The following MCHR2 variants were observed in gnomAD, a reference collection of about 807,000 sequenced individuals.
The protein encoded by MCHR2 is melanin concentrating hormone receptor 2.
Under a neutral mutation model 24.8 loss-of-function variants are expected in MCHR2, and 15 were observed. The ratio of observed to expected loss-of-function variants is 0.60; its 90% CI spans 0.40 to 0.93. The LOEUF is 0.93. Among genes scored for constraint, MCHR2 ranks in the 40% least tolerant of loss-of-function variants. MCHR2 has a pLI of 0.00. For missense variants in MCHR2, 386 were observed against 408.7 expected (o/e 0.94, Z 0.48); for synonymous variants, 151 against 147.6 (o/e 1.02, Z -0.17).
At chr6:99,923,338 A>C (rs1170566763) in intron 5 of MCHR2, among the ~76,000 whole-genome samples, 1 of 152,174 alleles carries the variant, frequency 6.6e-6, no homozygotes, top group Admixed American at 6.5e-5. Context: ...ATCTGTAAAC[A>C]AGGATAATTT....
intron 5 of MCHR2, among the ~76,000 whole-genome samples, chr6:99,931,785 C>G (rs1014625512): frequency 1.3e-5 from 2 of 152,220 alleles, no homozygotes; most frequent in Non-Finnish European, 2.9e-5. Flanking sequence ...ACCCCTTGCG[C>G]TTCCCAAGTG....
chr6:99,988,630 A>C (rs1180158420), intron 1 of MCHR2, among the ~76,000 whole-genome samples: 1 of 152,206 alleles, frequency 6.6e-6, no homozygotes, highest in Non-Finnish European at 1.5e-5. Context: ...TGAAACTCAG[A>C]GCCACCCAAA....
At chr6:99,927,708 G>A (rs548084870) in intron 5 of MCHR2, among the ~76,000 whole-genome samples, 52 of 152,184 alleles carry the variant, frequency 3.4e-4, no homozygotes, top group African/African-American at 1.1e-3. Flanking sequence ...TTTTGCTGAA[G>A]TTGCTTATCA....
rs1238747025 is a variant in MCHR2, at chr6:99,974,251, G to A, written c.-27-18077C>T. Among the ~76,000 whole-genome samples, 5 of 145,124 alleles carry A rather than the reference G, an allele frequency of 3.4e-5. No homozygotes were observed. The East Asian group carries it at 1.0e-3, about 30-fold the overall frequency. On this transcript the variant is annotated intron_variant, in intron 1 of 5. Coordinates refer to ENST00000281806, the MANE Select transcript of MCHR2 (RefSeq NM_001040179.2). Reference sequence around the variant, plus strand: ...TAGTCCCATATTTCTTGGAAGCTTTGTTTGTTTCTTTTTATTCTTTTTTCT... The same window carrying A: ...TAGTCCCATATTTCTTGGAAGCTTTATTTGTTTCTTTTTATTCTTTTTTCT...
chr6:99,947,771 C>T lies in MCHR2; in HGVS notation c.383G>A (p.Ser128Asn). 2 of 1,613,582 alleles carry T rather than the reference C, an allele frequency of 1.2e-6. No individual in the cohort carries two copies. Among genetic ancestry groups the T allele is most frequent in the Non-Finnish European group, 8.5e-7 (1 of 1,179,680 alleles). The change falls in exon 3 of 6, where the codon AGT becomes AAT. Residue 128 changes from serine (S) to asparagine (N), a missense_variant. By Grantham distance (46) the Ser-to-Asn change is conservative (BLOSUM62 1). Coordinates refer to ENST00000281806, the MANE Select transcript of MCHR2 (RefSeq NM_001040179.2). ...AAAGTCTTTCACTTACCTGTCCACACTCATTACAGTCATGATGGCACTACA... is the reference window on the plus strand; with the variant it reads ...AAAGTCTTTCACTTACCTGTCCACATTCATTACAGTCATGATGGCACTACA... Reference protein sequence around the residue: ...FACSAIMTVMSVDRYFALVQP... With the variant: ...FACSAIMTVMNVDRYFALVQP...
intron 1 of MCHR2, among the ~76,000 whole-genome samples, chr6:99,990,348 T>G (rs1043816657): frequency 1.3e-5 from 2 of 152,226 alleles, no homozygotes; most frequent in African/African-American, 4.8e-5. Flanking sequence ...TCTGTCTCTC[T>G]TAATGTTAGA....
intron 5 of MCHR2, among the ~76,000 whole-genome samples, chr6:99,930,121 A>G (rs1774479675): frequency 6.6e-6 from 1 of 151,846 alleles, no homozygotes; most frequent in Non-Finnish European, 1.5e-5. Flanking sequence ...TGGATATGAA[A>G]TTCTGGGTTG....
chr6:99,955,997 C>A lies in MCHR2; in HGVS notation c.151G>T (p.Gly51Cys). 6.2e-7 allele frequency: 1 copy of A among 1,608,602 alleles called. No individual in the cohort carries two copies. The highest frequency in any genetic ancestry group is 1.1e-5 in the South Asian group (1 of 90,032). The change falls in exon 2 of 6, where the codon GGC becomes TGC. Residue 51 changes from glycine (G) to cysteine (C), a missense_variant. Transcript: ENST00000281806. ...IGIICSTGLV[G>C]NILIVFTIIR... ...ATAGTGAATACAATGAGGATGTTGCCAACCAGCCCTGTTGAACAGATAATC... is the reference window on the plus strand; with the variant it reads ...ATAGTGAATACAATGAGGATGTTGCAAACCAGCCCTGTTGAACAGATAATC...
intron 4 of MCHR2, among the ~76,000 whole-genome samples, chr6:99,939,386 A>AT (rs892306280): frequency 6.6e-6 from 1 of 152,148 alleles, no homozygotes; most frequent in African/African-American, 2.4e-5. Flanking sequence ...GCTGACAAAA[A>AT]ATATATATAA....
chr6:99,966,188 A>G (rs1386275351), intron 1 of MCHR2, among the ~76,000 whole-genome samples: 6 of 152,290 alleles, frequency 3.9e-5, no homozygotes. Context: ...TGTGTGTGGA[A>G]AGGACTTTGA....
At chr6:99,978,420 G>GTTTTTTTTTTTT (rs3996890) in intron 1 of MCHR2, among the ~76,000 whole-genome samples, 1 of 104,194 alleles carries the variant, frequency 9.6e-6, no homozygotes. Context: ...GGTCAAGACA[G>GTTTTTTTTTTTT]TTTTTTTTTT....
At chr6:99,924,215 C>T (rs184220454) in intron 5 of MCHR2, among the ~76,000 whole-genome samples, 2 of 152,164 alleles carry the variant, frequency 1.3e-5, no homozygotes, top group Non-Finnish European at 2.9e-5. Context: ...ATGGTAGCCA[C>T]TAATGATCCT....
chr6:99,925,794 GT>G (rs199839045), intron 5 of MCHR2, among the ~76,000 whole-genome samples: 30 of 149,536 alleles, frequency 2.0e-4, no homozygotes, highest in East Asian at 1.8e-3. Context: ...TATTATTTTT[GT>G]TTTTTTTGTT....
intron 4 of MCHR2, among the ~76,000 whole-genome samples, chr6:99,939,988 C>T (rs1350786377): frequency 1.4e-5 from 2 of 147,742 alleles, no homozygotes; most frequent in African/African-American, 2.5e-5. Context: ...ACGTTATTTG[C>T]TTCTTTTCTC....
At chr6:99,945,232 T>C (rs1023582852) in intron 3 of MCHR2, among the ~76,000 whole-genome samples, 2 of 152,200 alleles carry the variant, frequency 1.3e-5, no homozygotes, top group African/African-American at 4.8e-5. Context: ...GTATCCCCTG[T>C]GTCCAACAAT....
At chr6:99,962,519 T>C (rs1352228794) in intron 1 of MCHR2, among the ~76,000 whole-genome samples, 2 of 152,084 alleles carry the variant, frequency 1.3e-5, no homozygotes, top group Non-Finnish European at 2.9e-5. Flanking sequence ...TTTCAACAAA[T>C]GATGTCGAAA....
At chr6:99,976,641 A>G (rs1775557361) in intron 1 of MCHR2, among the ~76,000 whole-genome samples, 1 of 92,042 alleles carries the variant, frequency 1.1e-5, no homozygotes, top group African/African-American at 3.5e-5. Flanking sequence ...TGGCTTTTTT[A>G]CAGTGCTCCC....
intron 5 of MCHR2, among the ~76,000 whole-genome samples, chr6:99,924,819 A>G (rs1282307117): frequency 6.6e-6 from 1 of 152,228 alleles, no homozygotes; most frequent in South Asian, 2.1e-4. Flanking sequence ...GTGACCTAAC[A>G]TATGTTCTAT....
At chr6:99,944,896 G>T (rs1297686229) in intron 3 of MCHR2, among the ~76,000 whole-genome samples, 1 of 152,040 alleles carries the variant, frequency 6.6e-6, no homozygotes, top group East Asian at 1.9e-4. Context: ...TCTCTCTCTT[G>T]ACTTCCTCAA....
Sources: allele counts gnomAD v4.1 joint callset (sites outside exome capture counted in the v4.1 genomes callset), GRCh38; gene constraint gnomAD v4.1.1; transcripts MANE v1.5; gene names NCBI Gene and HGNC (gene_info 2026-07-23, HGNC 2026-07-21).